PPP1R12A: variants seen among roughly 807,000 people sequenced by gnomAD.
The protein encoded by PPP1R12A is myosin binding subunit.
PPP1R12A carries 19 observed loss-of-function variants against 139.6 expected under a neutral mutation model. The observed-to-expected ratio is 0.14, with a 90% confidence interval of 0.09 to 0.20. The LOEUF is 0.20. Ranked by LOEUF, PPP1R12A falls within the 10% of genes least tolerant of loss-of-function variation. The pLI is 1.00. For missense variants in PPP1R12A, 925 were observed against 1,211.5 expected, an observed-to-expected ratio of 0.76 and a Z score of 3.51; for synonymous variants, 427 against 420.6, an observed-to-expected ratio of 1.02 and a Z score of -0.19.
In PPP1R12A at chr12:79,806,344, G is replaced by C; in HGVS notation, c.1656-11C>G. 1.2e-6 allele frequency: 2 copies of C among 1,608,758 alleles called. No homozygotes were observed. The highest frequency in any genetic ancestry group is 1.7e-6 in the Non-Finnish European group (2 of 1,175,420). On this transcript the variant is annotated splice_polypyrimidine_tract_variant and intron_variant, in intron 12 of 24. Coordinates refer to ENST00000450142, the MANE Select transcript of PPP1R12A (RefSeq NM_002480.3). ...CTACCAAAGGAGCAACTAAACAAAAGAGTCATATCTATATAGGATGTGTTT... is the reference window on the plus strand; with the variant it reads ...CTACCAAAGGAGCAACTAAACAAAACAGTCATATCTATATAGGATGTGTTT...
At chr12:79,784,240 A>AATGCTTATCAGTTTTACTTTT (rs1215259365) in intron 22 of PPP1R12A, among the ~76,000 whole-genome samples, 1 of 152,212 alleles carries the variant, frequency 6.6e-6, no homozygotes, top group Non-Finnish European at 1.5e-5. Flanking sequence ...AAGTTACTTT[A>AATGCTTATCAGTTTTACTTTT]ATGCTTATCA....
intron 2 of PPP1R12A, among the ~76,000 whole-genome samples, chr12:79,852,521 C>A (rs1350444367): frequency 6.6e-6 from 1 of 152,058 alleles, no homozygotes; most frequent in African/African-American, 2.4e-5. Flanking sequence ...AAAATCTGCA[C>A]ACTTTGGGTA....
chr12:79,847,609 A>C (rs1313779204), intron 2 of PPP1R12A, among the ~76,000 whole-genome samples: 1 of 152,166 alleles, frequency 6.6e-6, no homozygotes, highest in Non-Finnish European at 1.5e-5. Flanking sequence ...CCAGGAATAT[A>C]AAGGTAAACA....
Position 79,821,121 on chromosome 12 carries a change from T to A in PPP1R12A, c.913A>T (p.Thr305Ser). The change falls in exon 7 of 25, where the codon ACA (threonine) becomes TCA (serine). Residue 305 changes from threonine (T) to serine (S), a missense_variant. Around this residue, in one of 4 missense-constraint regions of PPP1R12A, gnomAD observed 403 missense variants for 463.7 expected, o/e 0.87. Coordinates refer to ENST00000450142, the MANE Select transcript of PPP1R12A (RefSeq NM_002480.3). The part of the protein sequence containing the change: ...RDKKSPLIES[T>S]ANMDNNQSQK... ...GACTGATTATTGTCCATATTTGCTG[T>A]TGATTCAATTAGTGGAGATTTCTTG... 1 of 1,613,400 alleles carries A rather than the reference T, an allele frequency of 6.2e-7. No individual in the cohort carries two copies. Among genetic ancestry groups the A allele is most frequent in the East Asian group, 2.2e-5 (1 of 44,818 alleles).
chr12:79,790,549 G>T, intron 19 of PPP1R12A, 66 bp from the exon 20 acceptor site: 1 of 1,144,170 alleles, frequency 8.7e-7, no homozygotes, highest in South Asian at 1.8e-5. Context: ...ATTAACCTAT[G>T]ATTATAAGTA....
At chr12:79,913,167 TA>T (rs2136919567) in intron 1 of PPP1R12A, among the ~76,000 whole-genome samples, 1 of 152,372 alleles carries the variant, frequency 6.6e-6, no homozygotes, top group East Asian at 1.9e-4. Context: ...TGCATCTGTG[TA>T]TTTTGTTGTT....
intron 2 of PPP1R12A, among the ~76,000 whole-genome samples, chr12:79,864,053 A>G (rs1220082265): frequency 6.6e-6 from 1 of 152,212 alleles, no homozygotes; most frequent in Non-Finnish European, 1.5e-5. Flanking sequence ...TCAGCACCAC[A>G]TGGCCCTTAT....
intron 3 of PPP1R12A, chr12:79,832,723 T>C: frequency 2.9e-6 from 1 of 341,608 alleles, no homozygotes; most frequent in Non-Finnish European, 5.2e-6. Flanking sequence ...ACTATTTTGA[T>C]CTTATTTTTC....
rs1319149417 is a variant in PPP1R12A, at chr12:79,845,154, C to T, written c.487+148G>A. ...ATAGAGTGGAGAATATTTTAGAAAA[C>T]AGAAACATACTGTACTATTGTTTTG... On this transcript the variant is annotated intron_variant, in intron 3 of 24. Coordinates refer to ENST00000450142, the MANE Select transcript of PPP1R12A (RefSeq NM_002480.3). 2.6e-5 allele frequency: 15 copies of T among 588,020 alleles called. No individual in the cohort carries two copies. The Admixed American group carries it at 4.1e-4, about 16-fold the overall frequency. 36.4% of individuals were successfully genotyped at this position (588,020 alleles called of 1,614,324 possible). A position where few individuals can be genotyped will look rare whatever the true frequency, so the allele number is the denominator to read the frequency against.
chr12:79,779,441 T>C (rs1870143121), intron 23 of PPP1R12A: 2 of 981,252 alleles, frequency 2.0e-6, no homozygotes, highest in Non-Finnish European at 2.8e-6. Flanking sequence ...AATGCTGATA[T>C]TTAGTCAAGC....
At position 79,822,770 on chromosome 12, in the gene PPP1R12A, T is replaced by C. The variant is rs556111328; in HGVS notation, c.793-580A>G. Among the ~76,000 whole-genome samples the C allele has an allele frequency of 8.5e-5, 13 of 152,052 alleles. No individual in the cohort carries two copies. In the East Asian group the frequency reaches 2.3e-3, roughly 27 times the overall value. On this transcript the variant is annotated intron_variant, in intron 5 of 24. Coordinates refer to ENST00000450142, the MANE Select transcript of PPP1R12A (RefSeq NM_002480.3). ...TGATGAATAATATTCCATTGCATGATATATACAGTTTGCTAATCTAGTCAT... is the reference window on the plus strand; with the variant it reads ...TGATGAATAATATTCCATTGCATGACATATACAGTTTGCTAATCTAGTCAT...
intron 1 of PPP1R12A, among the ~76,000 whole-genome samples, chr12:79,915,068 T>C (rs1273355296): frequency 6.6e-6 from 1 of 152,086 alleles, no homozygotes; most frequent in African/African-American, 2.4e-5. Context: ...CCTTCTACCA[T>C]TTTCCTACTA....
At chr12:79,787,141 TA>T (rs1871227055) in intron 21 of PPP1R12A, 1 of 152,172 alleles carries the variant, frequency 6.6e-6, no homozygotes, top group Admixed American at 6.5e-5. Flanking sequence ...ATATAGGAGC[TA>T]AAATTAACTT....
At chr12:79,807,905 C>T (rs1234239350) in intron 11 of PPP1R12A, among the ~76,000 whole-genome samples, 2 of 151,640 alleles carry the variant, frequency 1.3e-5, no homozygotes, top group African/African-American at 2.4e-5. Flanking sequence ...AGCAGGGTGG[C>T]AGGTGCCTGT....
rs1301512517 is a variant in PPP1R12A, at chr12:79,774,799, G to C, written c.*1130C>G. ...TACTTTGGCTAGCACAACAGTTTTAGACAGCACTCAGATAAATATAGGTAT... is the reference window on the plus strand; with the variant it reads ...TACTTTGGCTAGCACAACAGTTTTACACAGCACTCAGATAAATATAGGTAT... On this transcript the variant is annotated 3_prime_UTR_variant, in exon 25 of 25. Coordinates refer to ENST00000450142, the MANE Select transcript of PPP1R12A (RefSeq NM_002480.3). The C allele has an allele frequency of 6.6e-6, 1 of 152,494 alleles. No individual in the cohort carries two copies. Among genetic ancestry groups the C allele is most frequent in the Non-Finnish European group, 1.5e-5 (1 of 67,980 alleles). 9.4% of individuals were successfully genotyped at this position (152,494 alleles called of 1,614,324 possible). A position where few individuals can be genotyped will look rare whatever the true frequency, so the allele number is the denominator to read the frequency against.
At chr12:79,818,712 G>T (rs1313524859) in intron 8 of PPP1R12A, 4 of 152,124 alleles carry the variant, frequency 2.6e-5, no homozygotes, top group African/African-American at 9.7e-5. Context: ...TGTTTGAAAG[G>T]TAACTAAAAC....
chr12:79,881,585 A>G (rs1182609028), intron 1 of PPP1R12A, among the ~76,000 whole-genome samples: 1 of 152,236 alleles, frequency 6.6e-6, no homozygotes, highest in African/African-American at 2.4e-5. Context: ...CAATCTCCAT[A>G]TCATACAAGT....
At chr12:79,827,827 A>G (rs1465481309) in intron 5 of PPP1R12A, among the ~76,000 whole-genome samples, 3 of 152,144 alleles carry the variant, frequency 2.0e-5, no homozygotes, top group Non-Finnish European at 4.4e-5. Flanking sequence ...CCTTTGGCAT[A>G]AAACTTTATA....
intron 2 of PPP1R12A, among the ~76,000 whole-genome samples, chr12:79,862,308 G>A (rs569587192): frequency 9.9e-5 from 15 of 152,282 alleles, no homozygotes; most frequent in African/African-American, 3.6e-4. Flanking sequence ...AACCCCATCT[G>A]TAGGTCACCA....
Sources: allele counts gnomAD v4.1 joint callset (sites outside exome capture counted in the v4.1 genomes callset), GRCh38; gene constraint gnomAD v4.1.1; regional missense constraint gnomAD v4.1.1; transcripts MANE v1.5; gene names NCBI Gene and HGNC (gene_info 2026-07-23, HGNC 2026-07-21).